Variants in MYL4 observed in about 807,000 individuals in gnomAD.
MYL4 encodes atrial myosin light chain 1.
In MYL4, 16 loss-of-function variants were observed where a neutral mutation model predicts 21.6. That is an observed-to-expected ratio of 0.74 (90% CI 0.50 to 1.12). The LOEUF is 1.12. Ranked by LOEUF, MYL4 falls within the 50% of genes most tolerant of loss-of-function variation. The pLI is 0.00. For synonymous variants in MYL4, 82 were observed against 95.7 expected (o/e 0.86, Z 0.83); for missense variants, 249 against 252.9 (o/e 0.98, Z 0.11).
chr17:47,216,109 T>C (rs1032664492), intron 2 of MYL4, among the ~76,000 whole-genome samples: 4 of 151,750 alleles, frequency 2.6e-5, no homozygotes, highest in Admixed American at 6.6e-5. Flanking sequence ...TTTTTTTTTT[T>C]TCCCCCTCAT....
rs919277980 is a variant in MYL4 at position 47,209,839 on chromosome 17, C to T, written c.135+282C>T. 5 of 546,394 alleles carry T rather than the reference C, an allele frequency of 9.2e-6. 1 individual carries two copies. Among genetic ancestry groups the T allele is most frequent in the African/African-American group, 3.8e-5 (2 of 52,804 alleles). 33.8% of individuals were successfully genotyped at this position (546,394 alleles called of 1,614,324 possible). On this transcript the variant is annotated intron_variant, in intron 1 of 6. Transcript: ENST00000393450. ...AAGTTGGGAATGGGGGGAGGTACAACCAACCATCCATCCACCCTTTTATAA... is the reference window on the plus strand; with the variant it reads ...AAGTTGGGAATGGGGGGAGGTACAATCAACCATCCATCCACCCTTTTATAA...
chr17:47,209,684 C>T (rs546792651), intron 1 of MYL4, 127 bp downstream of exon 1: 66 of 1,426,468 alleles, frequency 4.6e-5, no homozygotes, highest in African/African-American at 1.8e-4. Flanking sequence ...TGCCCCAGAT[C>T]GCAGTCCCAT....
chr17:47,217,840 C>A (rs1355365532), intron 2 of MYL4, among the ~76,000 whole-genome samples: 1 of 152,078 alleles, frequency 6.6e-6, no homozygotes, highest in Non-Finnish European at 1.5e-5. Context: ...TCGAGACCAG[C>A]CTGACCAACA....
At chr17:47,221,942 G>C (rs919927398) in intron 4 of MYL4, 87 bp downstream of exon 4, 2 of 1,455,010 alleles carry the variant, frequency 1.4e-6, no homozygotes, top group African/African-American at 2.8e-5. Context: ...TTGGGTGGGG[G>C]GTGGTATACA....
intron 2 of MYL4, 45 bp downstream of exon 2, chr17:47,213,871 TGGA>T (rs138017390): frequency 5.9e-4 from 927 of 1,584,194 alleles, no homozygotes; most frequent in Non-Finnish European, 6.8e-4. Context: ...TGCACTTTCC[TGGA>T]GGAGGAGGAG....
the MYL4 span, among the ~76,000 whole-genome samples, chr17:47,195,381 C>T: frequency 6.6e-6 from 1 of 152,100 alleles, no homozygotes; most frequent in Non-Finnish European, 1.5e-5. Context: ...AGGCATAGAC[C>T]ACCATGCCCA....
chr17:47,203,293 G>C (rs181133430), intron 1 of MYL4, among the ~76,000 whole-genome samples: 1 of 152,070 alleles, frequency 6.6e-6, no homozygotes, highest in Non-Finnish European at 1.5e-5. Context: ...AAATGTAAAC[G>C]TACTATCCTC....
intron 5 of MYL4, 101 bp downstream of exon 5, chr17:47,222,558 G>A: frequency 9.0e-7 from 1 of 1,111,964 alleles, no homozygotes; most frequent in Middle Eastern, 2.7e-4. Context: ...TGTCTGAGGT[G>A]GGTTTTTGTA....
At chr17:47,214,114 C>T (rs1423578695) in intron 2 of MYL4, among the ~76,000 whole-genome samples, 3 of 152,170 alleles carry the variant, frequency 2.0e-5, no homozygotes, top group African/African-American at 7.2e-5. Context: ...TGCCCAGTCT[C>T]ACATGGCAGT....
rs772270875 is a variant in MYL4, at chr17:47,223,082, T to A, written c.*15+25T>A. 24 of 1,613,070 alleles carry A rather than the reference T, an allele frequency of 1.5e-5. No homozygotes were observed. In the Admixed American group the frequency reaches 4.0e-4, roughly 27 times the overall value. On this transcript the variant is annotated intron_variant, in intron 6 of 6. Transcript: ENST00000393450. ...GGTGAGTGCAGCCTCTCCCTCCTGG[T>A]CCCTTCCGGGGTCACATAGGGCCTT...
Position 47,202,025 on chromosome 17 carries a change from G to T in MYL4, c.-35+1439G>T, listed in dbSNP as rs546488126. Among the ~76,000 whole-genome samples, 8 of 152,052 alleles carry T rather than the reference G, an allele frequency of 5.3e-5. No homozygotes were observed. The South Asian group carries it at 6.2e-4, about 12-fold the overall frequency. Reference sequence around the variant, plus strand: ...TTTTGAGATGGAGTCTCATTCTGTCGCCCAGGCTGGAGTGCAGTGGCTCGA... The same window carrying T: ...TTTTGAGATGGAGTCTCATTCTGTCTCCCAGGCTGGAGTGCAGTGGCTCGA... On this transcript the variant is annotated intron_variant and NMD_transcript_variant, in intron 1 of 6. Transcript: ENST00000571981.
the MYL4 span, chr17:47,189,471 C>T: frequency 2.0e-6 from 1 of 489,414 alleles, no homozygotes; most frequent in South Asian, 2.3e-5. Flanking sequence ...TGACCCAAAG[C>T]GTAGGTTTCT....
intron 1 of MYL4, among the ~76,000 whole-genome samples, chr17:47,202,527 A>G (rs1598647364): frequency 6.6e-6 from 1 of 152,220 alleles, no homozygotes; most frequent in South Asian, 2.1e-4. Context: ...AAACTACTTC[A>G]TATTAGTCAT....
chr17:47,221,618 A>G, intron 3 of MYL4, 64 bp from the exon 4 acceptor site: 1 of 1,547,194 alleles, frequency 6.5e-7, no homozygotes, highest in Non-Finnish European at 8.7e-7. Flanking sequence ...CCCCCTCTTG[A>G]CCCTCTGCTC....
At chr17:47,195,743 T>C (rs1026439295), upstream of MYL4, among the ~76,000 whole-genome samples, 2 of 152,234 alleles carry the variant, frequency 1.3e-5, no homozygotes, top group Non-Finnish European at 2.9e-5. Flanking sequence ...CCTCCAAATA[T>C]ACTTCTTCCA....
Position 47,222,424 on chromosome 17 carries a change from C to T in MYL4, c.532C>T (p.Gln178Ter). The T allele has an allele frequency of 1.2e-6, 2 of 1,614,056 alleles. No homozygotes were observed. The highest frequency in any genetic ancestry group is 2.2e-5 in the East Asian group (1 of 44,872). ...EAEVEQLLAG[Q>*]EDANGCINYE... The stretch of plus-strand genomic sequence containing the variant: ...TGAAGTGGAGCAGCTGTTAGCTGGG[C>T]AAGAGGATGCCAATGGCTGCATCAA... Residue 178 changes from glutamine (Q) to a stop codon, truncating the protein, a stop_gained, in exon 5 of 7, where the codon CAA (glutamine) becomes TAA (stop). Coordinates refer to ENST00000393450, the MANE Select transcript of MYL4 (RefSeq NM_002476.2). LOFTEE classifies it high-confidence loss of function.
chr17:47,199,127 G>T (rs924600601), upstream of MYL4, among the ~76,000 whole-genome samples: 11 of 151,614 alleles, frequency 7.3e-5, no homozygotes, highest in Admixed American at 5.9e-4. Context: ...TGTAGTCCCA[G>T]CTACTTGGGA....
downstream of MYL4, among the ~76,000 whole-genome samples, chr17:47,227,620 A>G (rs938344250): frequency 1.3e-5 from 2 of 152,186 alleles, no homozygotes; most frequent in Non-Finnish European, 2.9e-5. Context: ...ACCTGAAGAC[A>G]AGGAAGATGA....
At chr17:47,193,417 G>A in the MYL4 span, among the ~76,000 whole-genome samples, 5 of 152,118 alleles carry the variant, frequency 3.3e-5, no homozygotes, top group South Asian at 2.1e-4. Flanking sequence ...ACAGGTGTGC[G>A]CCACCACACC....
Sources: allele counts gnomAD v4.1 joint callset (sites outside exome capture counted in the v4.1 genomes callset), GRCh38; gene constraint gnomAD v4.1.1; transcripts MANE v1.5; gene names NCBI Gene and HGNC (gene_info 2026-07-23, HGNC 2026-07-21).